The following PDHA1 variants were observed in gnomAD, a reference collection of about 807,000 sequenced individuals.
PDHA1 encodes pyruvate dehydrogenase E1 subunit alpha 1, also known as pyruvate dehydrogenase E1 component subunit alpha, somatic form, mitochondrial.
A neutral mutation model predicts 33.0 loss-of-function variants in PDHA1; 1 was observed. The observed-to-expected ratio is 0.03, with a 90% CI of 0.01 to 0.14. PDHA1 has a LOEUF of 0.14. PDHA1 is among the 10% of genes least tolerant of loss of function. The probability of loss-of-function intolerance (pLI) is 1.00; values close to 1 mark genes in which losing one functional copy is unlikely to be tolerated. For missense variants in PDHA1, 168 were observed against 325.1 expected (o/e 0.52, Z 3.72); for synonymous variants, 123 against 119.2 (o/e 1.03, Z -0.21).
intron 10 of PDHA1, 77 bp from the exon 11 acceptor site, chrX:19,359,412 G>A (rs1368103189): frequency 1.2e-6 from 1 of 830,513 alleles, no homozygotes; most frequent in Non-Finnish European, 1.8e-6. Flanking sequence ...ACCAGCAACA[G>A]GTCCTCAGCA....
Position 19,360,804 on chromosome X carries a change from G to A in PDHA1, c.*1151G>A, listed in dbSNP as rs756039907. 4.3e-5 allele frequency: 52 copies of A among 1,205,863 alleles called. No individual in the cohort carries two copies. Among genetic ancestry groups the A allele is most frequent in the East Asian group, 8.9e-5 (3 of 33,623 alleles). On this transcript the variant is annotated 3_prime_UTR_variant, in exon 11 of 11. Transcript: ENST00000422285. ...CTGAGCCCTTCTGTACTGGGAGACC[G>A]CACTCCAGAGTCTGCAGAGGAGACC...
At position 19,360,004 on chromosome X, in the gene PDHA1, A is replaced by C; in HGVS notation, c.*351A>C. 1 of 278,649 alleles carries C rather than the reference A, an allele frequency of 3.6e-6. No homozygotes were observed. 23.0% of individuals were successfully genotyped at this position (278,649 alleles called of 1,213,427 possible). A position where few individuals can be genotyped will look rare whatever the true frequency, so the allele number is the denominator to read the frequency against. On this transcript the variant is annotated 3_prime_UTR_variant, in exon 11 of 11. Transcript: ENST00000422285. ...CCCCTCACAGCATTCTACCAACCAT[A>C]GCACCCACCCCGAGCAGCGCTGGTG... is the stretch of plus-strand genomic sequence containing the variant.
intron 10 of PDHA1, 133 bp downstream of exon 10, chrX:19,359,157 A>AAAGT (rs988127038): frequency 2.8e-5 from 14 of 504,615 alleles, no homozygotes; most frequent in African/African-American, 2.4e-4. Context: ...CCATAGTTCC[A>AAAGT]AAGTCCCTTG....
In PDHA1 at chrX:19,360,899, C is replaced by A. The variant is rs923800219; in HGVS notation, c.*1246C>A. On this transcript the variant is annotated 3_prime_UTR_variant, in exon 11 of 11. Transcript: ENST00000422285. ...AGCCAACAGAGCTTAAAACTGCAGT[C>A]CCTAATTTAAAAACCTAATGAAAAT... The A allele has an allele frequency of 2.4e-6, 2 of 835,784 alleles. No homozygotes were observed. The highest frequency in any genetic ancestry group is 3.4e-6 in the Non-Finnish European group (2 of 580,285). The allele number at this position is 835,784 out of a possible 1,213,427, so 68.9% of individuals were successfully genotyped here. A position where few individuals can be genotyped will look rare whatever the true frequency, so the allele number is the denominator to read the frequency against.
In PDHA1 at chrX:19,360,676, G is replaced by T; in HGVS notation, c.*1023G>T. The T allele has an allele frequency of 1.3e-6, 1 of 785,168 alleles. No individual in the cohort carries two copies. Among genetic ancestry groups the T allele is most frequent in the Non-Finnish European group, 1.9e-6 (1 of 518,799 alleles). 64.7% of individuals were successfully genotyped at this position (785,168 alleles called of 1,213,427 possible). On this transcript the variant is annotated 3_prime_UTR_variant, in exon 11 of 11. Transcript: ENST00000422285. ...AATATGTAAACACAGCGGAATTCGTGTATACACTAACAGAAGCTTTAACAA... is the reference window on the plus strand; with the variant it reads ...AATATGTAAACACAGCGGAATTCGTTTATACACTAACAGAAGCTTTAACAA...
chrX:19,356,990 T>A (rs918821558), intron 8 of PDHA1, among the ~76,000 whole-genome samples: 2 of 111,807 alleles, frequency 1.8e-5, no homozygotes, highest in Non-Finnish European at 3.8e-5. Flanking sequence ...GTAGCAGAGG[T>A]TGTTGGTGCC....
chrX:19,361,560 T>C lies in PDHA1; in HGVS notation c.*1907T>C. 1 of 1,210,906 alleles carries C rather than the reference T, an allele frequency of 8.3e-7. No individual in the cohort carries two copies. The highest frequency in any genetic ancestry group is 1.1e-6 in the Non-Finnish European group (1 of 894,482). On this transcript the variant is annotated 3_prime_UTR_variant, in exon 11 of 11. Transcript: ENST00000422285. ...GTCTATAAGCTCTTTATCTGTTCTCTGCCCGTAGGGGCCTGCTGGGTTCTC... is the reference window on the plus strand; with the variant it reads ...GTCTATAAGCTCTTTATCTGTTCTCCGCCCGTAGGGGCCTGCTGGGTTCTC...
At position 19,352,809 on chromosome X, in the gene PDHA1, G is replaced by C. The variant is rs755855203; in HGVS notation, c.419-273G>C. ...GTCCTAAGATGTTTGTAACTGGCCA[G>C]AAAACCCAGAAAAGTCCAGGGTATC... is the stretch of plus-strand genomic sequence containing the variant. On this transcript the variant is annotated intron_variant, in intron 4 of 10. Coordinates refer to ENST00000422285, the MANE Select transcript of PDHA1 (RefSeq NM_000284.4). 4 of 396,649 alleles carry C rather than the reference G, an allele frequency of 1.0e-5. No individual in the cohort carries two copies. The Admixed American group carries it at 1.7e-4, about 17-fold the overall frequency. The allele number at this position is 396,649 out of a possible 1,213,427, so 32.7% of individuals were successfully genotyped here. A position where few individuals can be genotyped will look rare whatever the true frequency, so the allele number is the denominator to read the frequency against.
chrX:19,346,288 G>A (rs1185010576), intron 1 of PDHA1, among the ~76,000 whole-genome samples: 1 of 111,410 alleles, frequency 9.0e-6, no homozygotes, highest in South Asian at 3.7e-4. Context: ...CTCCCAAGAC[G>A]CTGTGTGTTT....
chrX:19,353,213 C>A, intron 5 of PDHA1, 40 bp downstream of exon 5: 1 of 1,079,108 alleles, frequency 9.3e-7, no homozygotes, highest in Non-Finnish European at 1.3e-6. Flanking sequence ...TTAGATTTGG[C>A]CCTGGACTTT....
chrX:19,355,806 C>CAA, intron 8 of PDHA1, 49 bp downstream of exon 8: 1 of 937,980 alleles, frequency 1.1e-6, no homozygotes, highest in South Asian at 2.0e-5. Context: ...TCTGGAAGTT[C>CAA]AAAGACTGCC....
rs758665102 is a variant in PDHA1, at chrX:19,359,477, C to T, written c.1009-12C>T. The T allele has an allele frequency of 2.5e-6, 3 of 1,202,923 alleles. No individual in the cohort carries two copies. The highest frequency in any genetic ancestry group is 2.3e-6 in the Non-Finnish European group (2 of 887,727). ...CATTCTAAAACCTTTTACACTGTTA[C>T]CTAATTTTTAGGAAATTGATGTGGA... is the stretch of plus-strand genomic sequence containing the variant. On this transcript the variant is annotated splice_polypyrimidine_tract_variant and intron_variant, in intron 10 of 10. Transcript: ENST00000422285.
Position 19,359,587 on chromosome X carries a change from C to T in PDHA1, c.1107C>T (p.Tyr369=), listed in dbSNP as rs1209449962. The T allele has an allele frequency of 3.3e-6, 4 of 1,210,949 alleles. No individual in the cohort carries two copies. Among genetic ancestry groups the T allele is most frequent in the Non-Finnish European group, 4.5e-6 (4 of 894,767 alleles). Residue 369 remains tyrosine, a synonymous_variant, in exon 11 of 11, where the codon TAC becomes TAT. Transcript: ENST00000422285. ...TGGAAGAGCTGGGCTACCACATCTA[C>T]TCCAGCGACCCACCTTTTGAAGTTC... ...PPLEELGYHI[Y]SSDPPFEVRG...
chrX:19,361,617 T>C lies in PDHA1; in HGVS notation c.*1964T>C, dbSNP rs1200074727. On this transcript the variant is annotated 3_prime_UTR_variant, in exon 11 of 11. Coordinates refer to ENST00000422285, the MANE Select transcript of PDHA1 (RefSeq NM_000284.4). ...ACCTGTAACGATTGGCAATTTGTTATATATTAGTCTAACCATAAAACTCTT... is the reference window on the plus strand; with the variant it reads ...ACCTGTAACGATTGGCAATTTGTTACATATTAGTCTAACCATAAAACTCTT... The C allele has an allele frequency of 2.9e-6, 3 of 1,046,765 alleles. No individual in the cohort carries two copies. Among genetic ancestry groups the C allele is most frequent in the Non-Finnish European group, 4.0e-6 (3 of 754,471 alleles). 86.3% of individuals were successfully genotyped at this position (1,046,765 alleles called of 1,213,427 possible).
chrX:19,345,745 T>TCCCCCCCCC (rs745880160), intron 1 of PDHA1: 13 of 170,186 alleles, frequency 7.6e-5, no homozygotes, highest in African/African-American at 5.5e-4. Flanking sequence ...GTTTGCAGGG[T>TCCCCCCCCC]CCCCCCCCCC....
At chrX:19,359,276 A>G (rs1434322395) in intron 10 of PDHA1, among the ~76,000 whole-genome samples, 2 of 111,875 alleles carry the variant, frequency 1.8e-5, no homozygotes, top group African/African-American at 6.5e-5. Flanking sequence ...CCCCCACAGT[A>G]GTATGGTTCT....
At chrX:19,345,347 G>A (rs1318025362) in intron 1 of PDHA1, among the ~76,000 whole-genome samples, 2 of 109,732 alleles carry the variant, frequency 1.8e-5, no homozygotes, top group Non-Finnish European at 3.8e-5. Context: ...GAGGCAGGTG[G>A]ATCACCTGAG....
intron 10 of PDHA1, 97 bp from the exon 11 acceptor site, chrX:19,359,390 TTA>T (rs1286933321): frequency 1.8e-5 from 12 of 671,435 alleles, no homozygotes; most frequent in Non-Finnish European, 3.0e-5. Flanking sequence ...GTACTTGTAG[TTA>T]AAGAGTTACA....
intron 8 of PDHA1, among the ~76,000 whole-genome samples, chrX:19,357,027 G>T (rs1293179233): frequency 8.9e-6 from 1 of 112,411 alleles, no homozygotes; most frequent in Non-Finnish European, 1.9e-5. Flanking sequence ...CACTAGCAAG[G>T]TCTGTGAAGT....
Sources: allele counts gnomAD v4.1 joint callset (sites outside exome capture counted in the v4.1 genomes callset), GRCh38; gene constraint gnomAD v4.1.1; transcripts MANE v1.5; gene names NCBI Gene and HGNC (gene_info 2026-07-23, HGNC 2026-07-21).